ME3: variants seen among roughly 807,000 people sequenced by gnomAD.
The protein encoded by ME3 is NADP-dependent malic enzyme, mitochondrial.
A neutral mutation model predicts 68.9 loss-of-function variants in ME3; 48 were observed. That is an observed-to-expected ratio of 0.70 (90% CI 0.55 to 0.89). ME3 has a LOEUF of 0.89. Ranked by LOEUF, ME3 falls within the 40% of genes least tolerant of loss-of-function variation. ME3 has a pLI of 0.00. For missense variants in ME3, 675 were observed against 797.4 expected (o/e 0.85, Z 1.85); for synonymous variants, 320 against 318.8 (o/e 1.00, Z -0.04).
chr11:86,484,034 T>C (rs1004349557), intron 7 of ME3, among the ~76,000 whole-genome samples: 3 of 152,174 alleles, frequency 2.0e-5, no homozygotes, highest in African/African-American at 7.2e-5. Context: ...AGAAGGACAC[T>C]CCCAGCTGTC....
At chr11:86,540,391 C>T (rs1400121627) in intron 4 of ME3, among the ~76,000 whole-genome samples, 1 of 152,158 alleles carries the variant, frequency 6.6e-6, no homozygotes, top group African/African-American at 2.4e-5. Context: ...ATGTAAGCCC[C>T]ATGTCTTGAC....
At chr11:86,671,581 A>T (rs1946945466) in intron 2 of ME3, 181 bp downstream of exon 2, 2 of 674,428 alleles carry the variant, frequency 3.0e-6, no homozygotes, top group Non-Finnish European at 4.8e-6. Context: ...CTCTCCACGC[A>T]TAAAAGGGAG....
chr11:86,465,748 A>G (rs1001414504), intron 7 of ME3, among the ~76,000 whole-genome samples: 10 of 152,232 alleles, frequency 6.6e-5, no homozygotes, highest in Non-Finnish European at 1.3e-4. Flanking sequence ...GATGGTTAGG[A>G]AAGGCCACTG....
chr11:86,529,279 CACAT>C (rs1260705259), intron 4 of ME3, among the ~76,000 whole-genome samples: 3 of 152,168 alleles, frequency 2.0e-5, no homozygotes, highest in Non-Finnish European at 2.9e-5. Context: ...AATTCCTCGA[CACAT>C]ACACCCTCCC....
intron 4 of ME3, among the ~76,000 whole-genome samples, chr11:86,553,794 C>T (rs534959209): frequency 6.6e-6 from 1 of 152,256 alleles, no homozygotes; most frequent in African/African-American, 2.4e-5. Context: ...GCAATCCCCA[C>T]CTGAGACCCC....
At chr11:86,591,978 C>A (rs1243294842) in intron 2 of ME3, among the ~76,000 whole-genome samples, 3 of 152,104 alleles carry the variant, frequency 2.0e-5, no homozygotes, top group Admixed American at 2.0e-4. Flanking sequence ...TTGTTTAAGC[C>A]ACCTAGTCTG....
chr11:86,625,570 A>G (rs1943611914), intron 2 of ME3, among the ~76,000 whole-genome samples: 1 of 152,016 alleles, frequency 6.6e-6, no homozygotes, highest in Non-Finnish European at 1.5e-5. Context: ...TGTGACTCAG[A>G]TTCCTTCTCC....
intron 2 of ME3, among the ~76,000 whole-genome samples, chr11:86,639,908 A>T (rs1260673715): frequency 1.3e-5 from 2 of 152,186 alleles, no homozygotes; most frequent in Non-Finnish European, 2.9e-5. Flanking sequence ...TGGGGGCAGG[A>T]TGTATGAGAC....
Position 86,529,255 on chromosome 11 carries a change from G to A in ME3, c.468-20388C>T, listed in dbSNP as rs866726971. 1.2e-4 allele frequency among the ~76,000 whole-genome samples: 18 copies of A among 152,144 alleles called. 1 individual carries two copies. In the Middle Eastern group the frequency reaches 0.024, roughly 201 times the overall value. ...TCTACGCAAATAAACTAGAAAATCT[G>A]GAAGAAATGGATAAATTCCTCGACA... On this transcript the variant is annotated intron_variant, in intron 4 of 14. Coordinates refer to ENST00000543262, the Ensembl canonical transcript of ME3.
At chr11:86,555,908 T>C (rs1956901589) in intron 4 of ME3, among the ~76,000 whole-genome samples, 1 of 152,236 alleles carries the variant, frequency 6.6e-6, no homozygotes. Flanking sequence ...ACATTAGTGC[T>C]AGAACTATGT....
At chr11:86,589,983 C>G (rs1408521279) in intron 2 of ME3, among the ~76,000 whole-genome samples, 7 of 152,110 alleles carry the variant, frequency 4.6e-5, no homozygotes. Flanking sequence ...GCCTCTATCC[C>G]CAGCTCTGTT....
At chr11:86,497,786 A>G (rs541422739) in intron 6 of ME3, among the ~76,000 whole-genome samples, 177 bp downstream of exon 6, 2 of 152,116 alleles carry the variant, frequency 1.3e-5, no homozygotes, top group South Asian at 2.1e-4. Flanking sequence ...GGGGTGGGCA[A>G]CCAGGGAAGA....
At chr11:86,589,021 C>G (rs534593814) in intron 2 of ME3, among the ~76,000 whole-genome samples, 3 of 152,182 alleles carry the variant, frequency 2.0e-5, no homozygotes, top group Admixed American at 2.0e-4. Flanking sequence ...CGGCTGAGCT[C>G]GAAGGCCCTT....
chr11:86,599,802 T>C (rs978398662), intron 2 of ME3, among the ~76,000 whole-genome samples: 4 of 152,166 alleles, frequency 2.6e-5, no homozygotes, highest in South Asian at 2.1e-4. Context: ...ATATTCAACA[T>C]TCTTAAAGAA....
intron 4 of ME3, among the ~76,000 whole-genome samples, chr11:86,530,983 C>A (rs376419861): frequency 2.2e-4 from 33 of 152,124 alleles, no homozygotes; most frequent in Middle Eastern, 3.4e-3. Flanking sequence ...GCAACAAAAG[C>A]CAAAATTGAC....
intron 4 of ME3, among the ~76,000 whole-genome samples, chr11:86,537,210 A>G (rs1955735729): frequency 6.6e-6 from 1 of 151,580 alleles, no homozygotes; most frequent in Non-Finnish European, 1.5e-5. Flanking sequence ...TGGGTGCAGC[A>G]CACCAGCATG....
chr11:86,538,502 C>G (rs999084623), intron 4 of ME3, among the ~76,000 whole-genome samples: 1 of 152,138 alleles, frequency 6.6e-6, no homozygotes, highest in East Asian at 1.9e-4. Context: ...CTCAACTTCC[C>G]ACAACCGTCA....
rs148316091 is a variant in ME3, at chr11:86,658,343, G to A, written c.183+13419C>T. Among the ~76,000 whole-genome samples, 541 of 151,816 alleles carry A rather than the reference G, an allele frequency of 3.6e-3. 2 individuals carry two copies. Among genetic ancestry groups the A allele is most frequent in the African/African-American group, 0.013 (522 of 41,366 alleles). On this transcript the variant is annotated intron_variant, in intron 2 of 14. Coordinates refer to ENST00000543262, the Ensembl canonical transcript of ME3. The stretch of plus-strand genomic sequence containing the variant: ...TCATCATGTTGTCCAGCCTGGTCTC[G>A]AACTCCTGAGGTCAAGTGATCCACC...
intron 7 of ME3, among the ~76,000 whole-genome samples, chr11:86,470,050 C>T (rs1950700207): frequency 6.6e-6 from 1 of 152,028 alleles, no homozygotes; most frequent in Non-Finnish European, 1.5e-5. Flanking sequence ...TGCCCTTCTC[C>T]CCAGTGTGTG....
Sources: gnomAD v4.1 joint callset for allele counts (sites outside exome capture counted in the v4.1 genomes callset) on GRCh38, gnomAD v4.1.1 for gene constraint, MANE v1.5 for transcripts, NCBI Gene and HGNC (gene_info 2026-07-23, HGNC 2026-07-21) for gene names.